ACOT13: variants seen among roughly 807,000 people sequenced by gnomAD.
The protein encoded by ACOT13 is acyl-coenzyme A thioesterase 13.
In ACOT13, 10 loss-of-function variants were observed where a neutral mutation model predicts 11.8. The observed-to-expected ratio is 0.85, with a 90% CI of 0.53 to 1.44. The LOEUF (loss-of-function observed/expected upper bound fraction) is 1.44. Ranked by LOEUF, ACOT13 falls within the 40% of genes most tolerant of loss-of-function variation. The pLI is 0.00. For missense variants in ACOT13, 172 were observed against 174.1 expected, an observed-to-expected ratio of 0.99 and a Z score of 0.07; for synonymous variants, 53 against 61.0, an observed-to-expected ratio of 0.87 and a Z score of 0.61.
rs1468519869 is a variant in ACOT13 at position 24,703,424 on chromosome 6, C to T, written c.*1809C>T. ...TTTCCCACTAAAAGGAAGCTGGGCTCCTTGGAGAAACAGCTGACTCCAGGG... is the reference window on the plus strand; with the variant it reads ...TTTCCCACTAAAAGGAAGCTGGGCTTCTTGGAGAAACAGCTGACTCCAGGG... On this transcript the variant is annotated 3_prime_UTR_variant, in exon 3 of 3. Coordinates refer to ENST00000230048, the MANE Select transcript of ACOT13 (RefSeq NM_018473.4). 1 of 152,236 alleles carries T rather than the reference C, an allele frequency of 6.6e-6. No individual in the cohort carries two copies. Among genetic ancestry groups the T allele is most frequent in the African/African-American group, 2.4e-5 (1 of 41,404 alleles). 9.4% of individuals were successfully genotyped at this position (152,236 alleles called of 1,614,324 possible).
At chr6:24,671,687 CA>C (rs550728291) in intron 1 of ACOT13, among the ~76,000 whole-genome samples, 2 of 149,878 alleles carry the variant, frequency 1.3e-5, no homozygotes, top group Admixed American at 6.6e-5. Context: ...ACAGCAACAA[CA>C]AAAAAAAACA....
At chr6:24,697,780 A>G in intron 1 of ACOT13, 103 bp from the exon 2 acceptor site, 2 of 922,524 alleles carry the variant, frequency 2.2e-6, no homozygotes, top group South Asian at 2.5e-5. Context: ...TTCTGAGTCA[A>G]CTTTTTTCAG....
chr6:24,668,555 C>A (rs573863399), intron 1 of ACOT13, among the ~76,000 whole-genome samples: 1 of 152,332 alleles, frequency 6.6e-6, no homozygotes, highest in East Asian at 1.9e-4. Flanking sequence ...AAAGGACACT[C>A]CTGTGTTTGG....
chr6:24,702,700 A>G lies in ACOT13; in HGVS notation c.*1085A>G, dbSNP rs1778913323. On this transcript the variant is annotated 3_prime_UTR_variant, in exon 3 of 3. Transcript: ENST00000230048. ...ATTGAAAAATAAAATAGATTGAGCC[A>G]TATGCCTAAAAAAGACCTCAAGAAA... 6.6e-6 allele frequency: 1 copy of G among 152,206 alleles called. No individual in the cohort carries two copies. Among genetic ancestry groups the G allele is most frequent in the South Asian group, 2.1e-4 (1 of 4,826 alleles). The allele number at this position is 152,206 out of a possible 1,614,324, so 9.4% of individuals were successfully genotyped here.
intron 1 of ACOT13, among the ~76,000 whole-genome samples, chr6:24,696,741 A>T (rs545292755): frequency 6.6e-4 from 101 of 152,166 alleles, no homozygotes; most frequent in African/African-American, 2.3e-3. Context: ...CCTTTCCATA[A>T]GTTGCCTTTT....
intron 1 of ACOT13, among the ~76,000 whole-genome samples, chr6:24,667,835 G>A (rs1234650150): frequency 6.6e-6 from 1 of 152,224 alleles, no homozygotes; most frequent in African/African-American, 2.4e-5. Context: ...TCCTGAAGAA[G>A]TAAGTTAGCC....
In ACOT13 at chr6:24,676,005, G is replaced by C. The variant is rs551344461; in HGVS notation, c.81+8661G>C. ...AATCCTTTCCCCATTTCTTGTTTTT[G>C]TCAGGTTTGTCAAAGATGAGATGGT... is the stretch of plus-strand genomic sequence containing the variant. On this transcript the variant is annotated intron_variant, in intron 1 of 2. Coordinates refer to ENST00000230048, the MANE Select transcript of ACOT13 (RefSeq NM_018473.4). Among the ~76,000 whole-genome samples, 58 of 152,240 alleles carry C rather than the reference G, an allele frequency of 3.8e-4. No individual in the cohort carries two copies. In the South Asian group the frequency reaches 0.011, roughly 30 times the overall value.
chr6:24,689,937 G>C (rs1778696281), intron 1 of ACOT13, among the ~76,000 whole-genome samples: 1 of 152,086 alleles, frequency 6.6e-6, no homozygotes, highest in Admixed American at 6.5e-5. Context: ...AATTTCAAGA[G>C]AAATGATGAA....
At chr6:24,679,051 G>A (rs199991638) in intron 1 of ACOT13, among the ~76,000 whole-genome samples, 92 of 144,278 alleles carry the variant, frequency 6.4e-4, no homozygotes, top group South Asian at 1.1e-3. Context: ...TGATTCCCTT[G>A]ACATAAGGGG....
chr6:24,687,131 A>G (rs576226817), intron 1 of ACOT13, among the ~76,000 whole-genome samples: 42 of 152,272 alleles, frequency 2.8e-4, no homozygotes, highest in Non-Finnish European at 4.1e-4. Context: ...TTGTTTTGCA[A>G]TGATTACCAC....
intron 1 of ACOT13, among the ~76,000 whole-genome samples, chr6:24,695,551 C>T (rs2127628023): frequency 6.6e-6 from 1 of 152,158 alleles, no homozygotes; most frequent in East Asian, 1.9e-4. Context: ...ATTCTGTCTA[C>T]AACAGTTTCT....
Position 24,667,106 on chromosome 6 carries a change from C to A in ACOT13, c.-158C>A. Reference sequence around the variant, plus strand: ...AGCAAATCGCGGACCACCGGGGCTGCCAGCTCGCCTGACTCCCGGCCTCTT... The same window carrying A: ...AGCAAATCGCGGACCACCGGGGCTGACAGCTCGCCTGACTCCCGGCCTCTT... On this transcript the variant is annotated 5_prime_UTR_variant, in exon 1 of 3. Coordinates refer to ENST00000230048, the MANE Select transcript of ACOT13 (RefSeq NM_018473.4). 1 of 868,522 alleles carries A rather than the reference C, an allele frequency of 1.2e-6. No homozygotes were observed. Among genetic ancestry groups the A allele is most frequent in the African/African-American group, 1.7e-5 (1 of 58,930 alleles). 53.8% of individuals were successfully genotyped at this position (868,522 alleles called of 1,614,324 possible).
chr6:24,686,893 G>T (rs886780422), intron 1 of ACOT13, among the ~76,000 whole-genome samples: 7 of 152,014 alleles, frequency 4.6e-5, no homozygotes, highest in Non-Finnish European at 8.8e-5. Flanking sequence ...TGTAAAAACA[G>T]GCCTCACTTT....
intron 2 of ACOT13, among the ~76,000 whole-genome samples, chr6:24,700,211 G>A (rs776460677): frequency 1.2e-4 from 19 of 152,020 alleles, no homozygotes; most frequent in Admixed American, 7.9e-4. Context: ...CAAATTCCCC[G>A]GACTTAATGT....
Position 24,667,095 on chromosome 6 carries a change from C to G in ACOT13, c.-169C>G. On this transcript the variant is annotated 5_prime_UTR_variant, in exon 1 of 3. Coordinates refer to ENST00000230048, the MANE Select transcript of ACOT13 (RefSeq NM_018473.4). ...GAAAGTCAGTGAGCAAATCGCGGACCACCGGGGCTGCCAGCTCGCCTGACT... is the reference window on the plus strand; with the variant it reads ...GAAAGTCAGTGAGCAAATCGCGGACGACCGGGGCTGCCAGCTCGCCTGACT... 1.2e-6 allele frequency: 1 copy of G among 847,526 alleles called. No individual in the cohort carries two copies. Among genetic ancestry groups the G allele is most frequent in the Admixed American group, 2.8e-5 (1 of 35,300 alleles). 52.5% of individuals were successfully genotyped at this position (847,526 alleles called of 1,614,324 possible).
chr6:24,674,923 A>C (rs1778426509), intron 1 of ACOT13, among the ~76,000 whole-genome samples: 1 of 113,240 alleles, frequency 8.8e-6, no homozygotes, highest in South Asian at 2.8e-4. Context: ...GATGTTCCCC[A>C]CCCTGTGTCC....
chr6:24,682,287 C>G (rs1286770568), intron 1 of ACOT13, among the ~76,000 whole-genome samples: 1 of 152,188 alleles, frequency 6.6e-6, no homozygotes, highest in African/African-American at 2.4e-5. Flanking sequence ...TTCGTGGTCA[C>G]CAAAATGTTA....
intron 1 of ACOT13, chr6:24,687,618 A>T: frequency 1.3e-6 from 2 of 1,496,072 alleles, no homozygotes; most frequent in Non-Finnish European, 1.8e-6. Flanking sequence ...AGCAGTAAAG[A>T]TTTAGGACTG....
At chr6:24,699,401 G>A (rs893263134) in intron 2 of ACOT13, among the ~76,000 whole-genome samples, 3 of 152,054 alleles carry the variant, frequency 2.0e-5, no homozygotes, top group African/African-American at 4.8e-5. Flanking sequence ...TAGTAGAGAT[G>A]GGGTTTCACC....
Sources: gnomAD v4.1 joint callset for allele counts (sites outside exome capture counted in the v4.1 genomes callset) on GRCh38, gnomAD v4.1.1 for gene constraint, MANE v1.5 for transcripts, NCBI Gene and HGNC (gene_info 2026-07-23, HGNC 2026-07-21) for gene names.